Variants in SGK1 observed in about 807,000 individuals in gnomAD.
SGK1 encodes serum/glucocorticoid regulated kinase 1.
SGK1 carries 26 observed loss-of-function variants against 64.2 expected under a neutral mutation model. That is an observed-to-expected ratio of 0.40 (90% CI 0.30 to 0.56). SGK1 has a LOEUF of 0.56. Among genes scored for constraint, SGK1 ranks in the 20% least tolerant of loss-of-function variants. The pLI is 0.38. For synonymous variants in SGK1, 265 were observed against 239.7 expected (o/e 1.11, Z -0.98); for missense variants, 519 against 645.6 (o/e 0.80, Z 2.12).
intron 3 of SGK1, among the ~76,000 whole-genome samples, chr6:134,185,910 C>A (rs948805085): frequency 1.3e-5 from 2 of 152,070 alleles, no homozygotes; most frequent in African/African-American, 4.8e-5. Flanking sequence ...AGTGAGTGAC[C>A]TACCCACGGT....
chr6:134,215,002 T>C, intron 2 of SGK1: 1 of 446,874 alleles, frequency 2.2e-6, no homozygotes, highest in Non-Finnish European at 4.5e-6. Context: ...AGAAGTATTG[T>C]CATAGGTTAC....
chr6:134,191,386 C>G (rs1775506236), intron 3 of SGK1, among the ~76,000 whole-genome samples: 1 of 152,198 alleles, frequency 6.6e-6, no homozygotes, highest in Admixed American at 6.5e-5. Context: ...GGAATCACCT[C>G]TACTTCCCAA....
chr6:134,251,535 TA>T (rs1776605896), intron 2 of SGK1, among the ~76,000 whole-genome samples: 1 of 151,536 alleles, frequency 6.6e-6, no homozygotes, highest in African/African-American at 2.4e-5. Flanking sequence ...GGACAGGGAG[TA>T]GTTTTCCTAG....
chr6:134,300,631 G>GGT (rs1348128295), intron 1 of SGK1, among the ~76,000 whole-genome samples: 3 of 134,982 alleles, frequency 2.2e-5, no homozygotes, highest in Non-Finnish European at 4.9e-5. Context: ...ATAAATGTTT[G>GGT]GTTTTTTTTT....
chr6:134,210,366 G>A (rs574158270), intron 2 of SGK1, among the ~76,000 whole-genome samples: 1 of 152,312 alleles, frequency 6.6e-6, no homozygotes, highest in African/African-American at 2.4e-5. Context: ...ACACATAGAA[G>A]CAGAGAATAG....
chr6:134,268,815 G>A (rs570479914), intron 1 of SGK1, among the ~76,000 whole-genome samples: 1 of 146,036 alleles, frequency 6.8e-6, no homozygotes, highest in South Asian at 2.3e-4. Context: ...TACCTCTACA[G>A]ATACCGGGGT....
chr6:134,205,743 T>C (rs1045355063), intron 3 of SGK1, among the ~76,000 whole-genome samples: 12 of 152,230 alleles, frequency 7.9e-5, no homozygotes, highest in Non-Finnish European at 1.5e-4. Context: ...TTCAAGGGAT[T>C]GCGGCAAACA....
chr6:134,240,967 A>C lies in SGK1; in HGVS notation c.285+20966T>G, dbSNP rs144244045. On this transcript the variant is annotated intron_variant, in intron 2 of 13. Coordinates refer to ENST00000367858, the MANE Select transcript of SGK1 (RefSeq NM_001143676.3). Reference sequence around the variant, plus strand: ...GAAGCCCTTTCTGCTTGAGGGCATCAGAGAAAATGTTTCATCTTTAGTAGA... The same window carrying C: ...GAAGCCCTTTCTGCTTGAGGGCATCCGAGAAAATGTTTCATCTTTAGTAGA... Among the ~76,000 whole-genome samples, 79 of 152,234 alleles carry C rather than the reference A, an allele frequency of 5.2e-4. 2 individuals are homozygous for C. The highest frequency in any genetic ancestry group is 1.9e-3 in the African/African-American group (77 of 41,530).
rs1775810862 is a variant in SGK1, at chr6:134,207,376, A to G, written c.341T>C (p.Phe114Ser). Residue 114 changes from phenylalanine (F) to serine (S), a missense_variant, in exon 3 of 14, where the codon TTC becomes TCC. By Grantham distance (155) the Phe-to-Ser change is radical. This residue lies in a region of SGK1 where 241 missense variants were observed against 236.9 expected (regional missense o/e 1.02). Transcript: ENST00000367858. ...NILTKPDPRT[F>S]WTNDDPAFMK... ...AATACCTGGATCATCATTAGTCCAG[A>G]AGGTTCTTGGATCGGGCTTGGTCAG... 1.2e-6 allele frequency: 2 copies of G among 1,609,564 alleles called. No individual in the cohort carries two copies. The highest frequency in any genetic ancestry group is 1.7e-6 in the Non-Finnish European group (2 of 1,175,970).
chr6:134,189,208 G>A (rs533963850), intron 3 of SGK1, among the ~76,000 whole-genome samples: 175 of 143,358 alleles, frequency 1.2e-3, no homozygotes, highest in African/African-American at 4.6e-3. Context: ...TTATACAGGT[G>A]TGTGTGTGTG....
At chr6:134,308,776 C>T (rs1171499900) in intron 1 of SGK1, among the ~76,000 whole-genome samples, 1 of 152,154 alleles carries the variant, frequency 6.6e-6, no homozygotes, top group African/African-American at 2.4e-5. Flanking sequence ...AGGCTGGTCT[C>T]AAACTCCTGA....
At chr6:134,298,062 C>T (rs907477621) in intron 1 of SGK1, 16 of 1,227,740 alleles carry the variant, frequency 1.3e-5, no homozygotes, top group East Asian at 2.3e-5. Flanking sequence ...AAGTTGATCT[C>T]GTCAGTCAGC....
chr6:134,263,166 G>T (rs549740308), intron 1 of SGK1, among the ~76,000 whole-genome samples: 3 of 152,262 alleles, frequency 2.0e-5, no homozygotes, highest in African/African-American at 7.2e-5. Flanking sequence ...TGAATTACTA[G>T]TTATTCTTAC....
intron 1 of SGK1, chr6:134,297,171 C>T (rs1407800644): frequency 4.4e-6 from 3 of 675,648 alleles, no homozygotes; most frequent in African/African-American, 3.6e-5. Context: ...ACCTGCATAG[C>T]CGCTGGTGGT....
chr6:134,197,119 G>A (rs1400929647), intron 3 of SGK1, among the ~76,000 whole-genome samples: 1 of 152,122 alleles, frequency 6.6e-6, no homozygotes, highest in Non-Finnish European at 1.5e-5. Context: ...TGTAGTCCCA[G>A]CTACTTGGGG....
At chr6:134,198,624 A>G (rs1448156100) in intron 3 of SGK1, among the ~76,000 whole-genome samples, 1 of 151,668 alleles carries the variant, frequency 6.6e-6, no homozygotes, top group East Asian at 1.9e-4. Flanking sequence ...CAAATTATGA[A>G]TCATTTTATT....
chr6:134,271,128 C>T (rs1253705899), intron 1 of SGK1, among the ~76,000 whole-genome samples: 1 of 130,704 alleles, frequency 7.7e-6, no homozygotes, highest in African/African-American at 2.5e-5. Context: ...ACCAGTCTGG[C>T]CAACATATAG....
Position 134,261,977 on chromosome 6 carries a change from G to A in SGK1, c.241C>T (p.Gln81Ter). 1 of 1,613,580 alleles carries A rather than the reference G, an allele frequency of 6.2e-7. No homozygotes were observed. Among genetic ancestry groups the A allele is most frequent in the Non-Finnish European group, 8.5e-7 (1 of 1,179,532 alleles). Residue 81 changes from glutamine (Q) to a stop codon, truncating the protein, a stop_gained, in exon 2 of 14, where the codon CAG (glutamine) becomes TAG (stop). Coordinates refer to ENST00000367858, the MANE Select transcript of SGK1 (RefSeq NM_001143676.3). LOFTEE classifies it high-confidence loss of function. The stretch of plus-strand genomic sequence containing the variant: ...TCCCATGAACATGACTCGTTCTCCT[G>A]AGGGAGAACCCCTCTTTGGAAAGCA... ...EHAFQRGVLP[Q>*]ENESCSWETQ... is the part of the protein sequence containing the mutation.
intron 1 of SGK1, chr6:134,298,610 G>T: frequency 9.0e-7 from 1 of 1,111,348 alleles, no homozygotes; most frequent in Non-Finnish European, 1.4e-6. Context: ...TGCAGGTACT[G>T]GGCCCACTCG....
Sources: allele counts gnomAD v4.1 joint callset (sites outside exome capture counted in the v4.1 genomes callset), GRCh38; gene constraint gnomAD v4.1.1; regional missense constraint gnomAD v4.1.1; transcripts MANE v1.5; gene names NCBI Gene and HGNC (gene_info 2026-07-23, HGNC 2026-07-21).